Variants in RBFOX1 observed in about 807,000 individuals in gnomAD.
RBFOX1 encodes the protein RNA binding protein fox-1 homolog 1.
RBFOX1 carries 8 observed loss-of-function variants against 57.7 expected under a neutral mutation model. The observed-to-expected ratio is 0.14, with a 90% CI of 0.08 to 0.25. RBFOX1 has a LOEUF of 0.25. RBFOX1 is among the 10% of genes least tolerant of loss of function. The pLI is 1.00. For missense variants in RBFOX1, 611 were observed against 548.5 expected, an observed-to-expected ratio of 1.11 and a Z score of -1.14; for synonymous variants, 326 against 222.4, an observed-to-expected ratio of 1.47 and a Z score of -4.15.
chr16:7,711,227 G>GA lies in RBFOX1; in HGVS notation c.*495dup, dbSNP rs59509314. On this transcript the variant is annotated 3_prime_UTR_variant, in exon 16 of 16. Coordinates refer to ENST00000550418, the MANE Select transcript of RBFOX1 (RefSeq NM_018723.4). The stretch of plus-strand genomic sequence containing the variant: ...GATTGGAACTGGGGTTTGGCTGAAA[G>GA]AAAAAAAAAAAAATGTAACTGATGA... The GA allele has an allele frequency of 9.3e-3, 1,337 of 144,360 alleles. 26 individuals carry two copies. The highest frequency in any genetic ancestry group is 0.033 in the African/African-American group (1,266 of 38,578). The allele number at this position is 144,360 out of a possible 1,614,324, so 8.9% of individuals were successfully genotyped here.
intron 11 of RBFOX1, among the ~76,000 whole-genome samples, chr16:7,653,031 A>G (rs1196194628): frequency 6.6e-6 from 1 of 152,238 alleles, no homozygotes; most frequent in Admixed American, 6.5e-5. Context: ...GTATGTGTAT[A>G]CAAATATGTT....
intron 1 of RBFOX1, among the ~76,000 whole-genome samples, chr16:6,218,292 TA>T (rs1204387262): frequency 4.6e-5 from 7 of 151,910 alleles, no homozygotes; most frequent in Non-Finnish European, 7.4e-5. Flanking sequence ...TTTATTTATT[TA>T]TTTATTTATT....
At chr16:7,510,178 C>G in intron 4 of RBFOX1, 3 of 985,778 alleles carry the variant, frequency 3.0e-6, no homozygotes, top group Non-Finnish European at 3.6e-6. Flanking sequence ...CCTCAACACC[C>G]CGATCATCCA....
chr16:7,555,038 C>G (rs1043608069), intron 5 of RBFOX1, among the ~76,000 whole-genome samples: 2 of 152,084 alleles, frequency 1.3e-5, no homozygotes, highest in Non-Finnish European at 2.9e-5. Context: ...TGTTTTTGGT[C>G]ATTTCTTTCA....
intron 1 of RBFOX1, among the ~76,000 whole-genome samples, chr16:5,434,301 C>T (rs1177882400): frequency 6.9e-6 from 1 of 145,592 alleles, no homozygotes; most frequent in East Asian, 2.1e-4. Flanking sequence ...CAGAGGGAGC[C>T]ATCTCTGCTG....
At chr16:6,905,230 C>G (rs149831564) in intron 3 of RBFOX1, among the ~76,000 whole-genome samples, 168 of 151,716 alleles carry the variant, frequency 1.1e-3, no homozygotes, top group African/African-American at 3.9e-3. Flanking sequence ...TCCTAGCTAA[C>G]AGTCTCTGTA....
chr16:6,134,217 G>A (rs1167607712), intron 1 of RBFOX1, among the ~76,000 whole-genome samples: 4 of 152,058 alleles, frequency 2.6e-5, no homozygotes, highest in East Asian at 1.9e-4. Context: ...GATTACAGGC[G>A]TGAGCCACCA....
intron 4 of RBFOX1, among the ~76,000 whole-genome samples, chr16:5,876,644 C>G (rs894157717): frequency 2.3e-4 from 35 of 152,246 alleles, no homozygotes; most frequent in South Asian, 2.1e-4. Context: ...ATCACAAAAC[C>G]CATTCCCAGA....
At chr16:6,722,273 TAA>T (rs1002897958) in intron 3 of RBFOX1, among the ~76,000 whole-genome samples, 5 of 152,222 alleles carry the variant, frequency 3.3e-5, no homozygotes, top group African/African-American at 1.2e-4. Context: ...CCACAGTGCC[TAA>T]GAGTTTCCAC....
chr16:7,703,281 C>T (rs1016787059), intron 14 of RBFOX1, among the ~76,000 whole-genome samples: 5 of 152,194 alleles, frequency 3.3e-5, no homozygotes, highest in African/African-American at 1.2e-4. Flanking sequence ...TGAGACATCC[C>T]ATTTTGAATG....
intron 2 of RBFOX1, among the ~76,000 whole-genome samples, chr16:6,576,539 G>T (rs1185797927): frequency 6.6e-6 from 1 of 152,080 alleles, no homozygotes; most frequent in Non-Finnish European, 1.5e-5. Flanking sequence ...AAATGCTATG[G>T]CTCACCCTCC....
At position 6,380,373 on chromosome 16, in the gene RBFOX1, C is replaced by T. The variant is rs886722526; in HGVS notation, c.-64+63316C>T. Among the ~76,000 whole-genome samples the T allele has an allele frequency of 2.1e-4, 28 of 133,734 alleles. 2 individuals are homozygous for T. The highest frequency in any genetic ancestry group is 1.9e-3 in the East Asian group (8 of 4,216). The allele number at this position is 133,734 out of a possible 152,430, so 87.7% of individuals were successfully genotyped here. On this transcript the variant is annotated intron_variant, in intron 2 of 15. Coordinates refer to ENST00000550418, the MANE Select transcript of RBFOX1 (RefSeq NM_018723.4). ...GACCCCTCCCCAACTTATAATGATG[C>T]GTCTGTGAGTGGTGAATGGTGGGGA...
intron 1 of RBFOX1, among the ~76,000 whole-genome samples, chr16:6,112,317 C>T (rs568415922): frequency 3.9e-5 from 6 of 152,206 alleles, no homozygotes; most frequent in Admixed American, 1.3e-4. Context: ...AATGTTTATC[C>T]GATATGTGCA....
intron 1 of RBFOX1, among the ~76,000 whole-genome samples, chr16:5,323,458 C>A (rs770799755): frequency 6.6e-6 from 1 of 152,228 alleles, no homozygotes; most frequent in African/African-American, 2.4e-5. Flanking sequence ...ATGTTAATTA[C>A]GTGGGTTCTC....
At chr16:7,123,506 A>G (rs2067687137) in intron 4 of RBFOX1, among the ~76,000 whole-genome samples, 1 of 152,106 alleles carries the variant, frequency 6.6e-6, no homozygotes. Flanking sequence ...CTGAGACTAC[A>G]GGTGCACCTC....
rs941681855 is a variant in RBFOX1 at position 6,773,967 on chromosome 16, G to A, written c.-16+119317G>A. The A allele has an allele frequency of 8.1e-6, 8 of 985,196 alleles. No individual in the cohort carries two copies. In the South Asian group the frequency reaches 1.9e-4, roughly 23 times the overall value. The allele number at this position is 985,196 out of a possible 1,614,324, so 61.0% of individuals were successfully genotyped here. Reference sequence around the variant, plus strand: ...TGTGCACACGCACATGGTTCTCATGGTCCTCCCGTTTTCAACTGAACCTGT... The same window carrying A: ...TGTGCACACGCACATGGTTCTCATGATCCTCCCGTTTTCAACTGAACCTGT... On this transcript the variant is annotated intron_variant, in intron 3 of 15. Transcript: ENST00000550418.
At position 6,957,116 on chromosome 16, in the gene RBFOX1, T is replaced by TTATTTATTTATTTATTTA. The variant is rs1555677707; in HGVS notation, c.-15-94940_-15-94939insATTTATTTATTTATTTAT. ...ATTTATTTTATTTTTTTATTTTTAT[T>TTATTTATTTATTTATTTA]TTTATTTATTTATTTATTTATTTAT... On this transcript the variant is annotated intron_variant, in intron 3 of 15. Coordinates refer to ENST00000550418, the MANE Select transcript of RBFOX1 (RefSeq NM_018723.4). Among the ~76,000 whole-genome samples the TTATTTATTTATTTATTTA allele has an allele frequency of 1.6e-3, 222 of 139,240 alleles. 1 individual carries two copies. Among genetic ancestry groups the TTATTTATTTATTTATTTA allele is most frequent in the African/African-American group, 5.6e-3 (203 of 36,392 alleles). 91.3% of individuals were successfully genotyped at this position (139,240 alleles called of 152,430 possible).
At chr16:6,057,848 T>TTTTTTA (rs2095633959) in intron 1 of RBFOX1, among the ~76,000 whole-genome samples, 1 of 146,450 alleles carries the variant, frequency 6.8e-6, no homozygotes. Context: ...TTTTTTTTTT[T>TTTTTTA]GAGGCAAACA....
At chr16:7,640,309 C>G (rs1438227005) in intron 11 of RBFOX1, among the ~76,000 whole-genome samples, 1 of 152,200 alleles carries the variant, frequency 6.6e-6, no homozygotes, top group African/African-American at 2.4e-5. Context: ...AAGAGGCAGC[C>G]ACATTTCAGG....
Sources: allele counts gnomAD v4.1 joint callset (sites outside exome capture counted in the v4.1 genomes callset), GRCh38; gene constraint gnomAD v4.1.1; transcripts MANE v1.5; gene names NCBI Gene and HGNC (gene_info 2026-07-23, HGNC 2026-07-21).